The following MAML3 variants were observed in gnomAD, a reference collection of about 807,000 sequenced individuals.
MAML3 encodes the protein mastermind like transcriptional coactivator 3, also known as mastermind-like protein 3.
A neutral mutation model predicts 101.9 loss-of-function variants in MAML3; 27 were observed. That is an observed-to-expected ratio of 0.27 (90% CI 0.20 to 0.37). The LOEUF (loss-of-function observed/expected upper bound fraction) is 0.37, where lower values mean the gene tolerates loss of function less well. MAML3 is among the 10% of genes least tolerant of loss of function. The probability of loss-of-function intolerance (pLI) is 1.00; values close to 1 mark genes in which losing one functional copy is unlikely to be tolerated. For missense variants in MAML3, 1,316 were observed against 1,444.9 expected (o/e 0.91, Z 1.45); for synonymous variants, 501 against 555.9 (o/e 0.90, Z 1.39).
chr4:140,025,004 T>C (rs1230801085), intron 1 of MAML3, among the ~76,000 whole-genome samples: 1 of 152,238 alleles, frequency 6.6e-6, no homozygotes, highest in African/African-American at 2.4e-5. Flanking sequence ...GAGTACTCGA[T>C]GGCTATGTTT....
In MAML3 at chr4:139,994,788, T is replaced by G. The variant is rs983795417; in HGVS notation, c.469-103821A>C. ...TGGTGGTGGTGGTGCTGGTGGGGGGTGTGTGTGTGTGTGTGTGTGTATGTG... is the reference window on the plus strand; with the variant it reads ...TGGTGGTGGTGGTGCTGGTGGGGGGGGTGTGTGTGTGTGTGTGTGTATGTG... On this transcript the variant is annotated intron_variant, in intron 1 of 4. Transcript: ENST00000509479. 1.3e-3 allele frequency among the ~76,000 whole-genome samples: 202 copies of G among 150,600 alleles called. 2 individuals are homozygous for G. Among genetic ancestry groups the G allele is most frequent in the African/African-American group, 4.4e-3 (180 of 40,894 alleles).
At chr4:139,947,512 G>A (rs1434415196) in intron 1 of MAML3, among the ~76,000 whole-genome samples, 1 of 152,134 alleles carries the variant, frequency 6.6e-6, no homozygotes, top group Non-Finnish European at 1.5e-5. Context: ...TGGTGGATTG[G>A]ACTCTGTCCT....
intron 1 of MAML3, among the ~76,000 whole-genome samples, chr4:140,107,260 A>T (rs1424808489): frequency 6.6e-6 from 1 of 152,248 alleles, no homozygotes; most frequent in Non-Finnish European, 1.5e-5. Flanking sequence ...CTTAATGTAT[A>T]TAAACTATAT....
At chr4:139,736,492 A>C (rs1053997316) in intron 2 of MAML3, among the ~76,000 whole-genome samples, 1 of 151,982 alleles carries the variant, frequency 6.6e-6, no homozygotes, top group Non-Finnish European at 1.5e-5. Flanking sequence ...CTCAGTCCCC[A>C]CCCCCTGAAA....
At chr4:139,808,874 C>T (rs939343605) in intron 2 of MAML3, among the ~76,000 whole-genome samples, 2 of 152,052 alleles carry the variant, frequency 1.3e-5, no homozygotes, top group African/African-American at 4.8e-5. Context: ...AAGGGGTGTG[C>T]GTGTGGGTGA....
At chr4:140,149,547 C>G (rs538959546) in intron 1 of MAML3, among the ~76,000 whole-genome samples, 36 of 152,122 alleles carry the variant, frequency 2.4e-4, no homozygotes, top group Non-Finnish European at 4.4e-4. Context: ...TTAATCCAAG[C>G]GAGGCAGAAA....
rs755817970 is a variant in MAML3, at chr4:139,717,314, A to ATAT, written c.*2006_*2008dup. ...CCTCCAGTTTCTCATCATTGCTTAT[A>ATAT]TATTTATTTCCTGTACCTTTCAGGA... is the stretch of plus-strand genomic sequence containing the variant. On this transcript the variant is annotated 3_prime_UTR_variant, in exon 5 of 5. Transcript: ENST00000509479. 6.6e-6 allele frequency: 1 copy of ATAT among 152,354 alleles called. No homozygotes were observed. Among genetic ancestry groups the ATAT allele is most frequent in the Non-Finnish European group, 1.5e-5 (1 of 67,998 alleles). The allele number at this position is 152,354 out of a possible 1,614,324, so 9.4% of individuals were successfully genotyped here.
intron 1 of MAML3, among the ~76,000 whole-genome samples, chr4:139,962,291 A>G (rs1471518984): frequency 3.9e-5 from 6 of 152,158 alleles, no homozygotes; most frequent in Admixed American, 1.3e-4. Flanking sequence ...ACTTTGTCAG[A>G]GCTATTTCAG....
rs1316399244 is a variant in MAML3 at position 139,879,440 on chromosome 4, C to T, written c.2079+9917G>A. Among the ~76,000 whole-genome samples, 7 of 149,040 alleles carry T rather than the reference C, an allele frequency of 4.7e-5. No homozygotes were observed. In the East Asian group the frequency reaches 7.9e-4, roughly 17 times the overall value. The stretch of plus-strand genomic sequence containing the variant: ...ACTCAGGAGGATGAGGCTCAAGAAT[C>T]GCTTGAGCCCAGGAGGCAGAGGTTG... On this transcript the variant is annotated intron_variant, in intron 2 of 4. Transcript: ENST00000509479.
At chr4:139,848,837 T>G (rs2111153017) in intron 2 of MAML3, among the ~76,000 whole-genome samples, 1 of 152,298 alleles carries the variant, frequency 6.6e-6, no homozygotes, top group Non-Finnish European at 1.5e-5. Context: ...CAGGATATAG[T>G]GATCAGAAAA....
chr4:140,079,863 G>C (rs931772848), intron 1 of MAML3, among the ~76,000 whole-genome samples: 1 of 152,178 alleles, frequency 6.6e-6, no homozygotes, highest in African/African-American at 2.4e-5. Context: ...TAATTGTTAT[G>C]TAAATGTCTC....
chr4:139,869,703 C>A (rs1731964871), intron 2 of MAML3, among the ~76,000 whole-genome samples: 1 of 152,166 alleles, frequency 6.6e-6, no homozygotes, highest in Admixed American at 6.5e-5. Flanking sequence ...AAACCTTTAT[C>A]TGAAAGATGG....
In MAML3 at chr4:139,727,981, C is replaced by T. The variant is rs1167586342; in HGVS notation, c.2332-2146G>A. ...CTGTAACCCCAGCACTTTGGGAGGC[C>T]GAGGCAGGCAGATTGCTTGAGCCCA... On this transcript the variant is annotated intron_variant, in intron 3 of 4. Coordinates refer to ENST00000509479, the MANE Select transcript of MAML3 (RefSeq NM_018717.5). Among the ~76,000 whole-genome samples the T allele has an allele frequency of 5.9e-5, 9 of 152,208 alleles. No individual in the cohort carries two copies. In the South Asian group the frequency reaches 6.2e-4, roughly 11 times the overall value.
rs116470306 is a variant in MAML3, at chr4:140,012,408, C to G, written c.469-121441G>C. 1.8e-3 allele frequency among the ~76,000 whole-genome samples: 270 copies of G among 152,310 alleles called. 1 individual carries two copies. Among genetic ancestry groups the G allele is most frequent in the African/African-American group, 6.2e-3 (257 of 41,576 alleles). On this transcript the variant is annotated intron_variant, in intron 1 of 4. Coordinates refer to ENST00000509479, the MANE Select transcript of MAML3 (RefSeq NM_018717.5). ...TCAGCATGCTCCCTCTTCCCAGCCT[C>G]CTGTATGCAATCAGTCGTCCAGTTC...
chr4:140,090,650 C>G (rs183444783), intron 1 of MAML3, among the ~76,000 whole-genome samples: 5 of 152,334 alleles, frequency 3.3e-5, no homozygotes. Context: ...TACCACAAAG[C>G]TAAAGCTGCC....
Position 139,861,416 on chromosome 4 carries a change from A to G in MAML3, c.2079+27941T>C, listed in dbSNP as rs576230504. ...CTGAAATTCCACCTAGTCTACCCCA[A>G]CATATCCTATCACTATTCTCTGTGT... On this transcript the variant is annotated intron_variant, in intron 2 of 4. Coordinates refer to ENST00000509479, the MANE Select transcript of MAML3 (RefSeq NM_018717.5). 4.6e-5 allele frequency among the ~76,000 whole-genome samples: 7 copies of G among 151,218 alleles called. No individual in the cohort carries two copies. In the South Asian group the frequency reaches 1.5e-3, roughly 32 times the overall value.
At chr4:139,749,977 T>C (rs1265498411) in intron 2 of MAML3, among the ~76,000 whole-genome samples, 1 of 148,818 alleles carries the variant, frequency 6.7e-6, no homozygotes, top group Non-Finnish European at 1.5e-5. Context: ...ACAGCTATCA[T>C]TTCATTAATA....
intron 1 of MAML3, among the ~76,000 whole-genome samples, chr4:140,136,535 T>C (rs1055989162): frequency 1.3e-5 from 2 of 152,240 alleles, no homozygotes; most frequent in African/African-American, 4.8e-5. Context: ...CGCTTATACT[T>C]TGTCAAGTTT....
intron 2 of MAML3, among the ~76,000 whole-genome samples, chr4:139,783,818 C>T (rs765634438): frequency 6.6e-5 from 10 of 152,190 alleles, no homozygotes; most frequent in Non-Finnish European, 7.3e-5. Flanking sequence ...CAGCGATTGG[C>T]CGTCTGATTG....
Sources: allele counts gnomAD v4.1 joint callset (sites outside exome capture counted in the v4.1 genomes callset), GRCh38; gene constraint gnomAD v4.1.1; transcripts MANE v1.5; gene names NCBI Gene and HGNC (gene_info 2026-07-23, HGNC 2026-07-21).